The following LRRC4C variants were observed in gnomAD, a reference collection of about 807,000 sequenced individuals.
LRRC4C encodes leucine-rich repeat-containing protein 4C.
Under a neutral mutation model 33.6 loss-of-function variants are expected in LRRC4C, and 5 were observed. The observed-to-expected ratio is 0.15, with a 90% confidence interval of 0.08 to 0.31. The LOEUF (loss-of-function observed/expected upper bound fraction) is 0.31. LRRC4C is among the 10% of genes least tolerant of loss of function. The pLI is 1.00. For synonymous variants in LRRC4C, 329 were observed against 302.0 expected, an observed-to-expected ratio of 1.09 and a Z score of -0.93; for missense variants, 560 against 796.7, an observed-to-expected ratio of 0.70 and a Z score of 3.58.
chr11:41,405,225 T>C (rs1162864947), intron 1 of LRRC4C, among the ~76,000 whole-genome samples: 1 of 152,120 alleles, frequency 6.6e-6, no homozygotes, highest in African/African-American at 2.4e-5. Flanking sequence ...ATCACTGCTC[T>C]TGTAAGTCTT....
intron 4 of LRRC4C, among the ~76,000 whole-genome samples, chr11:40,274,367 T>C (rs1942931596): frequency 6.7e-6 from 1 of 150,304 alleles, no homozygotes; most frequent in African/African-American, 2.4e-5. Flanking sequence ...ATTTTGTAGT[T>C]AATTAGTGGA....
At chr11:41,119,947 G>T (rs1358492403) in intron 1 of LRRC4C, among the ~76,000 whole-genome samples, 1 of 152,142 alleles carries the variant, frequency 6.6e-6, no homozygotes, top group Non-Finnish European at 1.5e-5. Flanking sequence ...CCTTCAAAAA[G>T]AGAGTAGTAG....
intron 5 of LRRC4C, among the ~76,000 whole-genome samples, chr11:40,226,014 A>G (rs1488267418): frequency 6.6e-6 from 1 of 152,218 alleles, no homozygotes; most frequent in Non-Finnish European, 1.5e-5. Context: ...GATAAACACT[A>G]TTCAATGCAA....
At chr11:41,127,246 A>G (rs897584651) in intron 1 of LRRC4C, among the ~76,000 whole-genome samples, 41 of 147,782 alleles carry the variant, frequency 2.8e-4, no homozygotes, top group African/African-American at 9.9e-4. Context: ...CTTTGAGAAA[A>G]AGACTAGAGT....
intron 5 of LRRC4C, among the ~76,000 whole-genome samples, chr11:40,180,880 G>T (rs10837357): frequency 0.25 from 38,468 of 152,044 alleles, 5,231 homozygotes; most frequent in Middle Eastern, 0.36. Context: ...CCACAGGCTT[G>T]AATTTTATAG....
At chr11:41,177,403 G>C (rs528327215) in intron 1 of LRRC4C, among the ~76,000 whole-genome samples, 1 of 152,150 alleles carries the variant, frequency 6.6e-6, no homozygotes, top group Non-Finnish European at 1.5e-5. Context: ...GTCCAAGTTG[G>C]TATTCATTTC....
Position 40,294,038 on chromosome 11 carries a change from T to C in LRRC4C, c.-176+25590A>G, listed in dbSNP as rs559939413. On this transcript the variant is annotated intron_variant, in intron 4 of 6. Transcript: ENST00000528697. ...AGGCTTTCTCTCGACCAATGCCACG[T>C]CCTGACGCTTAGGGTCCTAGCTTCC... 9 of 152,532 alleles carry C rather than the reference T, an allele frequency of 5.9e-5. No homozygotes were observed. The East Asian group carries it at 1.5e-3, about 26-fold the overall frequency. 9.4% of individuals were successfully genotyped at this position (152,532 alleles called of 1,614,324 possible). A position where few individuals can be genotyped will look rare whatever the true frequency, so the allele number is the denominator to read the frequency against.
At chr11:40,119,812 T>G (rs1055795364) in intron 6 of LRRC4C, among the ~76,000 whole-genome samples, 1 of 152,056 alleles carries the variant, frequency 6.6e-6, no homozygotes, top group African/African-American at 2.4e-5. Flanking sequence ...AACCAGCCAA[T>G]CCAAAGGTCA....
chr11:40,428,796 A>G (rs1950808240), intron 3 of LRRC4C, among the ~76,000 whole-genome samples: 1 of 152,238 alleles, frequency 6.6e-6, no homozygotes, highest in South Asian at 2.1e-4. Flanking sequence ...CAAGGAGCAA[A>G]CATGAAAAAA....
At chr11:40,582,513 GTTTTTTTTTT>G (rs35497785) in intron 3 of LRRC4C, among the ~76,000 whole-genome samples, 1 of 115,608 alleles carries the variant, frequency 8.6e-6, no homozygotes. Context: ...CCCTTGTTCA[GTTTTTTTTTT>G]TTTTTTTTTT....
intron 2 of LRRC4C, among the ~76,000 whole-genome samples, chr11:40,931,640 G>A (rs1592123731): frequency 6.6e-6 from 1 of 151,826 alleles, no homozygotes; most frequent in African/African-American, 2.4e-5. Context: ...CACTAAAGTA[G>A]CCAAGGATAA....
At chr11:41,143,141 A>G (rs1457293282) in intron 1 of LRRC4C, among the ~76,000 whole-genome samples, 1 of 152,076 alleles carries the variant, frequency 6.6e-6, no homozygotes, top group Admixed American at 6.5e-5. Context: ...GTGCCACAAT[A>G]ATCTCTCTGA....
At chr11:40,136,893 G>C (rs911710932) in intron 6 of LRRC4C, among the ~76,000 whole-genome samples, 4 of 152,122 alleles carry the variant, frequency 2.6e-5, no homozygotes, top group Non-Finnish European at 5.9e-5. Context: ...ATATTACTTA[G>C]TTTTAACTGA....
At chr11:41,440,737 CAGTG>C (rs1484411967) in intron 1 of LRRC4C, among the ~76,000 whole-genome samples, 1 of 152,084 alleles carries the variant, frequency 6.6e-6, no homozygotes, top group East Asian at 1.9e-4. Context: ...GTTCTCATGA[CAGTG>C]AGTGAGTTCT....
At chr11:40,809,582 T>G (rs2135372287) in intron 2 of LRRC4C, among the ~76,000 whole-genome samples, 1 of 152,260 alleles carries the variant, frequency 6.6e-6, no homozygotes, top group Non-Finnish European at 1.5e-5. Flanking sequence ...ATTTACTGTC[T>G]GTTTCCCCTC....
chr11:40,824,390 G>GA (rs1264342825), intron 2 of LRRC4C, among the ~76,000 whole-genome samples: 4 of 151,744 alleles, frequency 2.6e-5, no homozygotes, highest in Admixed American at 6.6e-5. Flanking sequence ...AAATTAAAAT[G>GA]AAAAATTAAA....
intron 2 of LRRC4C, among the ~76,000 whole-genome samples, chr11:40,680,412 CA>C (rs1329151889): frequency 3.3e-5 from 5 of 152,036 alleles, no homozygotes; most frequent in Non-Finnish European, 7.4e-5. Flanking sequence ...TGTGAGGGGC[CA>C]GGGGCAGAAG....
In LRRC4C at chr11:40,247,833, T is replaced by C. The variant is rs183719972; in HGVS notation, c.-175-6235A>G. 5.4e-4 allele frequency among the ~76,000 whole-genome samples: 82 copies of C among 152,342 alleles called. 1 individual carries two copies. The South Asian group carries it at 0.01, about 19-fold the overall frequency. ...AAGTTTGGAAGAATTAGCAGTCATTTGTACATATACTGACTGCATATCTAC... is the reference window on the plus strand; with the variant it reads ...AAGTTTGGAAGAATTAGCAGTCATTCGTACATATACTGACTGCATATCTAC... On this transcript the variant is annotated intron_variant, in intron 4 of 6. Coordinates refer to ENST00000528697, the MANE Select transcript of LRRC4C (RefSeq NM_001258419.2).
intron 5 of LRRC4C, among the ~76,000 whole-genome samples, chr11:40,181,926 C>A (rs1044346923): frequency 1.3e-5 from 2 of 152,128 alleles, no homozygotes; most frequent in Non-Finnish European, 2.9e-5. Flanking sequence ...CCTCTCACAT[C>A]TCCAAGTGGT....
Sources: allele counts gnomAD v4.1 joint callset (sites outside exome capture counted in the v4.1 genomes callset), GRCh38; gene constraint gnomAD v4.1.1; transcripts MANE v1.5; gene names NCBI Gene and HGNC (gene_info 2026-07-23, HGNC 2026-07-21).